NCKAP5: variants seen among roughly 807,000 people sequenced by gnomAD.
NCKAP5 encodes nck-associated protein 5.
NCKAP5 carries 92 observed loss-of-function variants against 167.0 expected under a neutral mutation model. The ratio of observed to expected loss-of-function variants is 0.55; its 90% CI spans 0.47 to 0.66. NCKAP5 has a LOEUF of 0.66. Among genes scored for constraint, NCKAP5 ranks in the 30% least tolerant of loss-of-function variants. The pLI is 0.00. For synonymous variants in NCKAP5, 891 were observed against 877.4 expected (o/e 1.02, Z -0.27); for missense variants, 2,378 against 2,315.0 (o/e 1.03, Z -0.56).
At chr2:133,611,845 G>C in the NCKAP5 span, among the ~76,000 whole-genome samples, 3 of 152,176 alleles carry the variant, frequency 2.0e-5, no homozygotes, top group South Asian at 6.2e-4. Context: ...ACATGATGAT[G>C]GGTTTTGAGA....
In NCKAP5 at chr2:133,568,242, T is replaced by TATC. The variant is rs1411362803; in HGVS notation, c.-159_-157dup. 2.0e-5 allele frequency: 3 copies of TATC among 152,212 alleles called. No homozygotes were observed. Among genetic ancestry groups the TATC allele is most frequent in the African/African-American group, 4.8e-5 (2 of 41,448 alleles). The allele number at this position is 152,212 out of a possible 1,614,324, so 9.4% of individuals were successfully genotyped here. On this transcript the variant is annotated 5_prime_UTR_variant, in exon 1 of 20. It adds an upstream start codon to the 5' untranslated region. Coordinates refer to ENST00000409261, the MANE Select transcript of NCKAP5 (RefSeq NM_207363.3). ...TGTAGTTAGCTCTTCAGTCAACACA[T>TATC]ATCACAGTCCTGGAGACAGACACAG...
At chr2:133,671,214 CAAAAAAAAAAAAA>C in the NCKAP5 span, among the ~76,000 whole-genome samples, 2 of 53,988 alleles carry the variant, frequency 3.7e-5, no homozygotes, top group South Asian at 7.8e-4. Flanking sequence ...GACTCCGTCT[CAAAAAAAAAAAAA>C]AAAAAAAAAA....
At chr2:132,725,027 A>G (rs575325134) in intron 19 of NCKAP5, among the ~76,000 whole-genome samples, 1 of 152,360 alleles carries the variant, frequency 6.6e-6, no homozygotes, top group East Asian at 1.9e-4. Context: ...AGAATGAATT[A>G]GAAGAAAAGC....
Position 133,484,363 on chromosome 2 carries a change from A to G in NCKAP5, c.69+33095T>C, listed in dbSNP as rs141047504. ...GAGAGAGTCCACTGCTGGTGTTTCA[A>G]GATCCCGATAGTGAGTAAGTTCTTC... On this transcript the variant is annotated intron_variant, in intron 3 of 19. Transcript: ENST00000409261. Among the ~76,000 whole-genome samples, 71 of 152,254 alleles carry G rather than the reference A, an allele frequency of 4.7e-4. 1 individual carries two copies. The East Asian group carries it at 0.013, about 27-fold the overall frequency.
intron 2 of NCKAP5, among the ~76,000 whole-genome samples, chr2:133,528,937 A>G (rs1348446344): frequency 6.6e-6 from 1 of 152,140 alleles, no homozygotes; most frequent in Admixed American, 6.5e-5. Flanking sequence ...GAATGCCTAG[A>G]AAGTTTCAAT....
At chr2:133,647,350 GGAAA>G in the NCKAP5 span, among the ~76,000 whole-genome samples, 1 of 109,640 alleles carries the variant, frequency 9.1e-6, no homozygotes, top group South Asian at 2.7e-4. Flanking sequence ...AGGAAAGAAA[GGAAA>G]GAAAGGAAGG....
At chr2:133,366,027 C>T (rs902425108) in intron 3 of NCKAP5, among the ~76,000 whole-genome samples, 30 of 152,122 alleles carry the variant, frequency 2.0e-4, no homozygotes, top group African/African-American at 6.0e-4. Context: ...TTTGTAAAAG[C>T]ACACATTTAA....
At chr2:133,379,448 T>C (rs1686369920) in intron 3 of NCKAP5, among the ~76,000 whole-genome samples, 1 of 152,216 alleles carries the variant, frequency 6.6e-6, no homozygotes, top group Non-Finnish European at 1.5e-5. Context: ...GACGATCTCA[T>C]CATTTTATGT....
intron 3 of NCKAP5, among the ~76,000 whole-genome samples, chr2:133,452,328 C>G (rs916557389): frequency 6.6e-6 from 1 of 152,116 alleles, no homozygotes; most frequent in Non-Finnish European, 1.5e-5. Flanking sequence ...GGAAAGCAAG[C>G]AGCAGTTGTG....
Position 132,784,265 on chromosome 2 carries a change from T to G in NCKAP5, c.2546A>C (p.Lys849Thr). ...LAPGKLSRFM[K>T]TESSGPLFEL... ...AAAGAGGGGCCCTGAGCTCTCAGTC[T>G]TCATGAATCGTGAGAGTTTCCCAGG... Residue 849 changes from lysine to threonine, a missense_variant, in exon 14 of 20, where the codon AAG becomes ACG. This residue lies in a region of NCKAP5 where 1,049 missense variants were observed against 1,023.4 expected (regional missense o/e 1.02). Transcript: ENST00000409261. 6.2e-7 allele frequency: 1 copy of G among 1,611,056 alleles called. No homozygotes were observed. The highest frequency in any genetic ancestry group is 8.5e-7 in the Non-Finnish European group (1 of 1,179,060).
the NCKAP5 span, among the ~76,000 whole-genome samples, chr2:133,613,593 G>C: frequency 6.6e-6 from 1 of 152,154 alleles, no homozygotes; most frequent in Non-Finnish European, 1.5e-5. Flanking sequence ...CAAGTCCTTT[G>C]GCTGGGATTT....
chr2:132,887,357 A>ATCTT (rs771401259), intron 8 of NCKAP5, among the ~76,000 whole-genome samples: 8 of 124,374 alleles, frequency 6.4e-5, no homozygotes, highest in African/African-American at 1.7e-4. Flanking sequence ...CTATCCATCC[A>ATCTT]TCCATCTTTC....
chr2:133,087,434 T>C (rs1364492224), intron 6 of NCKAP5, among the ~76,000 whole-genome samples: 1 of 152,196 alleles, frequency 6.6e-6, no homozygotes, highest in Non-Finnish European at 1.5e-5. Flanking sequence ...TGGAGCGAGA[T>C]GGTGTATCAG....
upstream of NCKAP5, among the ~76,000 whole-genome samples, chr2:133,570,882 C>G (rs2105068894): frequency 1.3e-5 from 2 of 152,226 alleles, no homozygotes; most frequent in Middle Eastern, 3.4e-3. Flanking sequence ...GGGACTTTGC[C>G]TTTTTTCAGT....
At chr2:133,135,080 A>C (rs758210225) in intron 5 of NCKAP5, among the ~76,000 whole-genome samples, 1 of 152,218 alleles carries the variant, frequency 6.6e-6, no homozygotes, top group Non-Finnish European at 1.5e-5. Context: ...CTTACAGACT[A>C]ATGGAGAGGG....
intron 5 of NCKAP5, among the ~76,000 whole-genome samples, chr2:133,137,261 G>A (rs13031924): frequency 0.13 from 19,660 of 152,014 alleles, 1,502 homozygotes; most frequent in East Asian, 0.39. Flanking sequence ...TTAAAAACCC[G>A]TACTCTTGGC....
chr2:133,617,614 T>A, the NCKAP5 span, among the ~76,000 whole-genome samples: 3 of 145,648 alleles, frequency 2.1e-5, no homozygotes, highest in Middle Eastern at 6.9e-3. Context: ...AAGGACCTCT[T>A]CAAGGAGAAC....
Position 132,784,480 on chromosome 2 carries a change from T to A in NCKAP5, c.2331A>T (p.Thr777=). ...AATTACTCTGGCATGATATATTGTGTGTTGGTTTGACCAGCTTTTGCTGCT... is the reference window on the plus strand; with the variant it reads ...AATTACTCTGGCATGATATATTGTGAGTTGGTTTGACCAGCTTTTGCTGCT... ...NPQQQKLVKP[T]HNISCQSNSR... Residue 777 remains threonine, a synonymous_variant, in exon 14 of 20, where the codon ACA becomes ACT. Coordinates refer to ENST00000409261, the MANE Select transcript of NCKAP5 (RefSeq NM_207363.3). 1 of 1,585,296 alleles carries A rather than the reference T, an allele frequency of 6.3e-7. No individual in the cohort carries two copies. The highest frequency in any genetic ancestry group is 1.2e-5 in the South Asian group (1 of 85,102).
intron 3 of NCKAP5, among the ~76,000 whole-genome samples, chr2:133,350,756 G>C (rs1446793009): frequency 6.6e-6 from 1 of 152,080 alleles, no homozygotes; most frequent in Non-Finnish European, 1.5e-5. Flanking sequence ...TTCTCGGTCT[G>C]AGCCCCTGTG....
Sources: gnomAD v4.1 joint callset for allele counts (sites outside exome capture counted in the v4.1 genomes callset) on GRCh38, gnomAD v4.1.1 for gene constraint, gnomAD v4.1.1 regional missense constraint, MANE v1.5 for transcripts, NCBI Gene and HGNC (gene_info 2026-07-23, HGNC 2026-07-21) for gene names.